KLF7: variants seen among roughly 807,000 people sequenced by gnomAD.
KLF7 encodes the protein Krueppel-like factor 7.
Under a neutral mutation model 27.3 loss-of-function variants are expected in KLF7, and 2 were observed. The observed-to-expected ratio is 0.07, with a 90% CI of 0.03 to 0.23. The LOEUF (loss-of-function observed/expected upper bound fraction) is 0.23. Ranked by LOEUF, KLF7 falls within the 10% of genes least tolerant of loss-of-function variation. The pLI is 1.00. For missense variants in KLF7, 221 were observed against 394.1 expected, an observed-to-expected ratio of 0.56 and a Z score of 3.72; for synonymous variants, 165 against 162.4, an observed-to-expected ratio of 1.02 and a Z score of -0.12.
chr2:207,117,808 A>G (rs1314055322), intron 2 of KLF7, among the ~76,000 whole-genome samples: 4 of 152,206 alleles, frequency 2.6e-5, no homozygotes, highest in Non-Finnish European at 5.9e-5. Context: ...TCTGTCCAGA[A>G]GGAGAGAAGC....
intron 3 of KLF7, among the ~76,000 whole-genome samples, chr2:207,084,512 G>C (rs932356703): frequency 6.6e-6 from 1 of 151,982 alleles, no homozygotes; most frequent in African/African-American, 2.4e-5. Context: ...TGAATCAAAT[G>C]AGCATCATTA....
chr2:207,163,048 C>T (rs534582135), intron 1 of KLF7, among the ~76,000 whole-genome samples: 1 of 152,248 alleles, frequency 6.6e-6, no homozygotes, highest in South Asian at 2.1e-4. Flanking sequence ...CCATCACCAC[C>T]CCTTATACTC....
rs552422712 is a variant in KLF7 at position 207,156,936 on chromosome 2, G to T, written c.102+8531C>A. ...GGCTCAATGCCTTGGCTGCATACTG[G>T]AATTGCCTGAAAGCTTTACAAACAC... On this transcript the variant is annotated intron_variant, in intron 1 of 3. Coordinates refer to ENST00000309446, the MANE Select transcript of KLF7 (RefSeq NM_003709.4). Among the ~76,000 whole-genome samples, 4 of 152,214 alleles carry T rather than the reference G, an allele frequency of 2.6e-5. No individual in the cohort carries two copies. The South Asian group carries it at 8.3e-4, about 32-fold the overall frequency.
At chr2:207,106,347 G>A (rs180700801) in intron 2 of KLF7, among the ~76,000 whole-genome samples, 2 of 152,310 alleles carry the variant, frequency 1.3e-5, no homozygotes, top group Admixed American at 1.3e-4. Flanking sequence ...CAACTGCCAA[G>A]GAGAAAGAAG....
chr2:207,107,639 GCTC>G (rs2076914198), intron 2 of KLF7, among the ~76,000 whole-genome samples: 1 of 152,148 alleles, frequency 6.6e-6, no homozygotes, highest in South Asian at 2.1e-4. Flanking sequence ...CTCCCCACCG[GCTC>G]CTGTGTGCAG....
chr2:207,121,900 T>C (rs2077350640), intron 2 of KLF7: 1 of 152,232 alleles, frequency 6.6e-6, no homozygotes, highest in African/African-American at 2.4e-5. Flanking sequence ...CCAGCCTCCA[T>C]GCTAAGCAGG....
At chr2:207,103,910 G>A (rs2076822978) in intron 2 of KLF7, among the ~76,000 whole-genome samples, 1 of 152,192 alleles carries the variant, frequency 6.6e-6, no homozygotes, top group African/African-American at 2.4e-5. Context: ...TATGCAACGT[G>A]GGTCTTATTA....
chr2:207,153,460 A>G (rs2078299496), intron 1 of KLF7, among the ~76,000 whole-genome samples: 1 of 152,216 alleles, frequency 6.6e-6, no homozygotes, highest in Non-Finnish European at 1.5e-5. Flanking sequence ...CATGGCAAAC[A>G]GAGCTGATTT....
chr2:207,166,756 C>T (rs1414666051), upstream of KLF7: 3 of 982,828 alleles, frequency 3.1e-6, no homozygotes, highest in Non-Finnish European at 3.6e-6. Context: ...TCCTCACGTA[C>T]TCAAAAACAA....
At chr2:207,133,986 A>T in intron 1 of KLF7, 2 of 1,045,934 alleles carry the variant, frequency 1.9e-6, no homozygotes, top group Non-Finnish European at 2.8e-6. Context: ...GCCCGCTCTT[A>T]TGCACCCCCA....
chr2:207,089,220 C>T (rs2076456147), intron 2 of KLF7, among the ~76,000 whole-genome samples: 1 of 152,210 alleles, frequency 6.6e-6, no homozygotes, highest in Admixed American at 6.5e-5. Flanking sequence ...AAAATACTAT[C>T]ACAAAAGTCT....
intron 2 of KLF7, among the ~76,000 whole-genome samples, chr2:207,094,308 G>A (rs17216319): frequency 6.6e-6 from 1 of 152,018 alleles, no homozygotes; most frequent in South Asian, 2.1e-4. Flanking sequence ...TTAGGATTTT[G>A]ACCTGCCTAG....
upstream of KLF7, among the ~76,000 whole-genome samples, chr2:207,170,803 T>C (rs2078779505): frequency 3.9e-5 from 6 of 152,154 alleles, no homozygotes; most frequent in South Asian, 1.2e-3. Context: ...AAAATGTTAC[T>C]GCTCATTGAC....
At chr2:207,113,415 C>A (rs1298760382) in intron 2 of KLF7, among the ~76,000 whole-genome samples, 1 of 152,082 alleles carries the variant, frequency 6.6e-6, no homozygotes, top group Non-Finnish European at 1.5e-5. Flanking sequence ...GCCGCAGGTG[C>A]CAGACATTGT....
chr2:207,089,681 T>C (rs1208812171), intron 2 of KLF7, among the ~76,000 whole-genome samples: 1 of 152,190 alleles, frequency 6.6e-6, no homozygotes, highest in Non-Finnish European at 1.5e-5. Context: ...TTGTCTGACC[T>C]TGGGCAGGTT....
intron 3 of KLF7, among the ~76,000 whole-genome samples, chr2:207,087,210 T>C (rs2076410267): frequency 6.6e-6 from 1 of 152,122 alleles, no homozygotes; most frequent in African/African-American, 2.4e-5. Context: ...GTACACTTCC[T>C]CAGCCCTGGA....
intron 1 of KLF7, among the ~76,000 whole-genome samples, chr2:207,163,867 G>A (rs1380821121): frequency 3.3e-5 from 5 of 152,186 alleles, no homozygotes; most frequent in African/African-American, 1.2e-4. Context: ...GAAATAAAAG[G>A]AAGAAAAAGA....
chr2:207,097,042 A>C (rs2076647720), intron 2 of KLF7, among the ~76,000 whole-genome samples: 1 of 152,176 alleles, frequency 6.6e-6, no homozygotes, highest in South Asian at 2.1e-4. Context: ...AGGGCCCAAG[A>C]ATCTGCATTT....
upstream of KLF7, chr2:207,167,089 G>T (rs2078738217): frequency 8.7e-6 from 12 of 1,379,216 alleles, no homozygotes; most frequent in Non-Finnish European, 1.0e-5. Context: ...GACGTGGGGC[G>T]CAAGCTGGAG....
Sources: gnomAD v4.1 joint callset for allele counts (sites outside exome capture counted in the v4.1 genomes callset) on GRCh38, gnomAD v4.1.1 for gene constraint, MANE v1.5 for transcripts, NCBI Gene and HGNC (gene_info 2026-07-23, HGNC 2026-07-21) for gene names.